SLC5A1: variants seen among roughly 807,000 people sequenced by gnomAD.
SLC5A1 encodes sodium/glucose cotransporter 1.
A neutral mutation model predicts 73.5 loss-of-function variants in SLC5A1; 42 were observed. That is an observed-to-expected ratio of 0.57 (90% CI 0.45 to 0.74). The LOEUF is 0.74. Ranked by LOEUF, SLC5A1 falls within the 30% of genes least tolerant of loss-of-function variation. The pLI is 0.00. For missense variants in SLC5A1, 634 were observed against 855.4 expected (o/e 0.74, Z 3.23); for synonymous variants, 300 against 317.4 (o/e 0.95, Z 0.58).
chr22:32,102,627 G>A (rs749161783), intron 13 of SLC5A1, among the ~76,000 whole-genome samples: 20 of 151,888 alleles, frequency 1.3e-4, no homozygotes, highest in Non-Finnish European at 2.1e-4. Context: ...AATAAATTAC[G>A]TATAGCTGCC....
chr22:32,055,251 C>T (rs114602637), intron 2 of SLC5A1, among the ~76,000 whole-genome samples: 4,921 of 152,116 alleles, frequency 0.032, 170 homozygotes, highest in African/African-American at 0.082. Context: ...AGGAGTTGGC[C>T]GAGTAAATAG....
intron 5 of SLC5A1, among the ~76,000 whole-genome samples, chr22:32,069,675 A>G (rs113534539): frequency 2.5e-4 from 38 of 152,296 alleles, no homozygotes; most frequent in African/African-American, 8.9e-4. Context: ...TTATTTGTCA[A>G]TTTAAAAAAG....
intron 6 of SLC5A1, among the ~76,000 whole-genome samples, chr22:32,082,296 G>A (rs1436876896): frequency 1.3e-5 from 2 of 152,210 alleles, no homozygotes; most frequent in Non-Finnish European, 2.9e-5. Context: ...AGTGAGCACA[G>A]GGGAGTGGAG....
At chr22:32,052,329 G>A (rs773107973) in intron 2 of SLC5A1, among the ~76,000 whole-genome samples, 1 of 152,164 alleles carries the variant, frequency 6.6e-6, no homozygotes, top group Non-Finnish European at 1.5e-5. Flanking sequence ...AACTTTTCAA[G>A]TCCTCTTGGG....
At chr22:32,056,125 G>A (rs2093951455) in intron 2 of SLC5A1, among the ~76,000 whole-genome samples, 1 of 152,110 alleles carries the variant, frequency 6.6e-6, no homozygotes, top group South Asian at 2.1e-4. Flanking sequence ...GGGCTCAAAC[G>A]ATCCTCCCAC....
intron 1 of SLC5A1, among the ~76,000 whole-genome samples, chr22:32,047,037 T>A (rs1195350679): frequency 2.0e-5 from 3 of 152,040 alleles, no homozygotes; most frequent in African/African-American, 7.2e-5. Context: ...TAAAAAAAAA[T>A]TGTAATGGCT....
At chr22:32,055,542 T>G (rs2093950524) in intron 2 of SLC5A1, among the ~76,000 whole-genome samples, 1 of 152,226 alleles carries the variant, frequency 6.6e-6, no homozygotes, top group Admixed American at 6.5e-5. Context: ...TTCCTGAGTT[T>G]ACAGTGGGAT....
At chr22:32,053,756 T>C (rs1465926844) in intron 2 of SLC5A1, among the ~76,000 whole-genome samples, 2 of 152,268 alleles carry the variant, frequency 1.3e-5, no homozygotes, top group Non-Finnish European at 2.9e-5. Context: ...TCAGTTAAAA[T>C]GAATTCGTTG....
chr22:32,109,362 G>A (rs2094052095), intron 14 of SLC5A1, among the ~76,000 whole-genome samples: 1 of 152,148 alleles, frequency 6.6e-6, no homozygotes, highest in Non-Finnish European at 1.5e-5. Context: ...CAGTTCCCTT[G>A]GTGGGTATTC....
Position 32,043,375 on chromosome 22 carries a change from A to G in SLC5A1, c.94A>G (p.Ile32Val). 1 of 1,614,086 alleles carries G rather than the reference A, an allele frequency of 6.2e-7. No homozygotes were observed. The highest frequency in any genetic ancestry group is 8.5e-7 in the Non-Finnish European group (1 of 1,180,008). Residue 32 changes from isoleucine to valine, a missense_variant, in exon 1 of 15, where the codon ATC becomes GTC. Transcript: ENST00000266088. This position sits in a 1 kb window ranked among gnomAD's most constrained non-coding sequence, Gnocchi z 6.5. The stretch of plus-strand genomic sequence containing the variant: ...TCGCAATGCAGCCGATATCTCCATC[A>G]TCGTTATCTACTTCGTGGTAGTGAT... ...LIRNAADISI[I>V]VIYFVVVMAV...
chr22:32,109,382 A>C (rs1402163157), intron 14 of SLC5A1, among the ~76,000 whole-genome samples: 1 of 152,170 alleles, frequency 6.6e-6, no homozygotes, highest in Non-Finnish European at 1.5e-5. Context: ...CAATTTGAGC[A>C]TCAGGGCCAG....
intron 10 of SLC5A1, among the ~76,000 whole-genome samples, chr22:32,090,671 T>G (rs1401321112): frequency 1.4e-5 from 2 of 145,030 alleles, no homozygotes; most frequent in Admixed American, 1.4e-4. Flanking sequence ...TCATTTCTCT[T>G]GGGTAGAGAG....
rs1008191949 is a variant in SLC5A1 at position 32,077,664 on chromosome 22, T to C, written c.478-4202T>C. Among the ~76,000 whole-genome samples, 6 of 152,312 alleles carry C rather than the reference T, an allele frequency of 3.9e-5. 1 individual carries two copies. Among genetic ancestry groups the C allele is most frequent in the Admixed American group, 3.9e-4 (6 of 15,296 alleles). On this transcript the variant is annotated intron_variant, in intron 5 of 14. Transcript: ENST00000266088. ...ATATTCACCACTCAGATTTTATAGA[T>C]CTTAACAATATATTATTTGTAGAAA...
chr22:32,082,901 A>T, intron 6 of SLC5A1, 173 bp from the exon 7 acceptor site: 1 of 670,978 alleles, frequency 1.5e-6, no homozygotes, highest in East Asian at 2.7e-5. Flanking sequence ...GAACATGCTG[A>T]ATAGCAAAAT....
chr22:32,085,212 C>T (rs1430766581), intron 9 of SLC5A1, among the ~76,000 whole-genome samples, 177 bp downstream of exon 9: 32 of 152,134 alleles, frequency 2.1e-4, no homozygotes, highest in Admixed American at 2.1e-3. Context: ...AACTCTAACT[C>T]CTGGGCCCTA....
At chr22:32,060,364 T>C (rs2093960459) in intron 2 of SLC5A1, among the ~76,000 whole-genome samples, 2 of 151,992 alleles carry the variant, frequency 1.3e-5, no homozygotes, top group Admixed American at 1.3e-4. Flanking sequence ...GCTAATTTTT[T>C]TGTATTTTTA....
At chr22:32,079,212 A>G (rs1310367483) in intron 5 of SLC5A1, among the ~76,000 whole-genome samples, 1 of 152,222 alleles carries the variant, frequency 6.6e-6, no homozygotes, top group Non-Finnish European at 1.5e-5. Flanking sequence ...CAGAGCACCC[A>G]GACTAGAGTG....
At chr22:32,049,420 T>TC (rs1325117681) in intron 1 of SLC5A1, among the ~76,000 whole-genome samples, 2 of 147,034 alleles carry the variant, frequency 1.4e-5, no homozygotes, top group Non-Finnish European at 3.0e-5. Flanking sequence ...TTTTTCTTTT[T>TC]TTTTTTTTTG....
intron 11 of SLC5A1, among the ~76,000 whole-genome samples, chr22:32,095,223 A>G (rs925751549): frequency 2.6e-5 from 4 of 151,890 alleles, no homozygotes; most frequent in Admixed American, 6.6e-5. Flanking sequence ...TATGATTTCA[A>G]TTTTCTTAAA....
Sources: gnomAD v4.1 joint callset for allele counts (sites outside exome capture counted in the v4.1 genomes callset) on GRCh38, gnomAD v4.1.1 for gene constraint, Gnocchi (gnomAD v3.1) non-coding constraint, MANE v1.5 for transcripts, NCBI Gene and HGNC (gene_info 2026-07-23, HGNC 2026-07-21) for gene names.